ZNF91: variants seen among roughly 807,000 people sequenced by gnomAD.
ZNF91 encodes the protein zinc finger protein 91 (HPF7, HTF10).
In ZNF91, 7 loss-of-function variants were observed where a neutral mutation model predicts 12.6. The observed-to-expected ratio is 0.55, with a 90% CI of 0.31 to 1.04. The LOEUF (loss-of-function observed/expected upper bound fraction) is 1.04, where lower values mean the gene tolerates loss of function less well. Ranked by LOEUF, ZNF91 falls within the 50% of genes least tolerant of loss-of-function variation. The pLI is 0.05. For synonymous variants in ZNF91, 453 were observed against 462.6 expected, an observed-to-expected ratio of 0.98 and a Z score of 0.27; for missense variants, 1,217 against 1,385.4, an observed-to-expected ratio of 0.88 and a Z score of 1.93.
At chr19:23,343,251 C>A (rs1599703417) in intron 3 of ZNF91, among the ~76,000 whole-genome samples, 1 of 152,146 alleles carries the variant, frequency 6.6e-6, no homozygotes, top group Non-Finnish European at 1.5e-5. Context: ...ACGTATATAT[C>A]AATGAGCTGC....
At chr19:23,319,486 T>A (rs1406574688) in intron 1 of ZNF91, among the ~76,000 whole-genome samples, 1 of 152,232 alleles carries the variant, frequency 6.6e-6, no homozygotes, top group Non-Finnish European at 1.5e-5. Flanking sequence ...CCCCAAATAT[T>A]TGGTGTATTG....
At chr19:23,367,626 TTC>T (rs1172785781) in intron 3 of ZNF91, among the ~76,000 whole-genome samples, 5 of 152,116 alleles carry the variant, frequency 3.3e-5, no homozygotes, top group Non-Finnish European at 7.4e-5. Context: ...GCATTATAAC[TTC>T]TGATTTTGAA....
chr19:23,323,620 TCTC>T (rs527725444), intron 1 of ZNF91, among the ~76,000 whole-genome samples: 413 of 148,860 alleles, frequency 2.8e-3, no homozygotes, highest in Admixed American at 4.6e-3. Context: ...CCTTTTCTCT[TCTC>T]CTTTCTCCTC....
chr19:23,374,699 A>C lies in ZNF91; in HGVS notation c.96T>G (p.Thr32=), dbSNP rs559820114. The C allele has an allele frequency of 1.2e-6, 2 of 1,613,356 alleles. No homozygotes were observed. Among genetic ancestry groups the C allele is most frequent in the African/African-American group, 1.3e-5 (1 of 74,998 alleles). The stretch of plus-strand genomic sequence containing the variant: ...CATTCCTATATAAATTCTGCTGTGC[A>C]GTGTCCAGACATTGCCACTCCTCCG... The part of the protein sequence containing the change: ...FSPEEWQCLD[T]AQQNLYRNVM... Residue 32 remains threonine (T), a synonymous_variant, in exon 2 of 4, where the codon ACT becomes ACG. Transcript: ENST00000300619.
chr19:23,320,988 A>G (rs988348700), intron 1 of ZNF91, among the ~76,000 whole-genome samples: 1 of 152,230 alleles, frequency 6.6e-6, no homozygotes, highest in Non-Finnish European at 1.5e-5. Context: ...AAGGGGACAC[A>G]ATGCCCAGAA....
intron 1 of ZNF91, among the ~76,000 whole-genome samples, chr19:23,316,922 C>T (rs568218373): frequency 1.1e-3 from 162 of 152,280 alleles, no homozygotes; most frequent in Middle Eastern, 3.4e-3. Context: ...ACAGAGCCCA[C>T]AGGTGAGGTC....
intron 1 of ZNF91, chr19:23,385,149 T>C: frequency 1.4e-6 from 1 of 724,174 alleles, no homozygotes; most frequent in South Asian, 1.7e-5. Context: ...TGTTTCACCA[T>C]CCCGCGTCAT....
intron 1 of ZNF91, 27 bp downstream of exon 1, chr19:23,395,298 T>C: frequency 6.2e-7 from 1 of 1,612,204 alleles, no homozygotes; most frequent in Non-Finnish European, 8.5e-7. Context: ...GTTCCCTCTC[T>C]CGGGACGTCG....
intron 3 of ZNF91, among the ~76,000 whole-genome samples, chr19:23,346,355 G>A (rs1280793320): frequency 6.6e-6 from 1 of 152,018 alleles, no homozygotes; most frequent in African/African-American, 2.4e-5. Context: ...TGCACAGGCA[G>A]TTCCCAACCA....
intron 1 of ZNF91, among the ~76,000 whole-genome samples, chr19:23,392,035 CA>C (rs1262047274): frequency 6.6e-6 from 1 of 152,114 alleles, no homozygotes; most frequent in Non-Finnish European, 1.5e-5. Context: ...GTAAGAAAAG[CA>C]AAAGTATTTA....
chr19:23,393,717 T>G (rs556421559), intron 1 of ZNF91, among the ~76,000 whole-genome samples: 1 of 152,302 alleles, frequency 6.6e-6, no homozygotes, highest in African/African-American at 2.4e-5. Context: ...AAAAATTAAT[T>G]GGCCAGATGC....
At chr19:23,354,400 T>A (rs572915002), downstream of ZNF91, among the ~76,000 whole-genome samples, 3 of 151,762 alleles carry the variant, frequency 2.0e-5, no homozygotes, top group South Asian at 4.2e-4. Context: ...GAAAAAAAAA[T>A]TGACAATATT....
intron 1 of ZNF91, among the ~76,000 whole-genome samples, chr19:23,390,206 C>T (rs1206077440): frequency 2.6e-5 from 4 of 152,054 alleles, no homozygotes; most frequent in Non-Finnish European, 5.9e-5. Context: ...ATCTCAGCTA[C>T]TTGGGAGGTG....
intron 1 of ZNF91, among the ~76,000 whole-genome samples, chr19:23,318,170 G>A (rs541196638): frequency 6.6e-6 from 1 of 152,260 alleles, no homozygotes; most frequent in South Asian, 2.1e-4. Context: ...TGCACAGAAG[G>A]CATTGTGACA....
chr19:23,322,624 G>A (rs1178587423), intron 1 of ZNF91, among the ~76,000 whole-genome samples: 5 of 151,942 alleles, frequency 3.3e-5, no homozygotes, highest in Admixed American at 6.6e-5. Context: ...CATAATTACT[G>A]TCACAAAGTG....
At chr19:23,331,601 T>G (rs1271940909) in intron 1 of ZNF91, among the ~76,000 whole-genome samples, 1 of 152,204 alleles carries the variant, frequency 6.6e-6, no homozygotes, top group African/African-American at 2.4e-5. Flanking sequence ...ACTCATCTTC[T>G]CCGTTTCTCA....
intron 3 of ZNF91, among the ~76,000 whole-genome samples, chr19:23,366,351 A>G (rs939223863): frequency 2.6e-5 from 4 of 152,262 alleles, no homozygotes; most frequent in African/African-American, 9.6e-5. Flanking sequence ...AAGATCTTCT[A>G]TAGAATATTT....
chr19:23,373,424 T>C (rs112902866), intron 3 of ZNF91, among the ~76,000 whole-genome samples: 2 of 146,176 alleles, frequency 1.4e-5, no homozygotes, highest in Non-Finnish European at 1.5e-5. Context: ...AACTAATGAA[T>C]ACACTCAGTT....
At chr19:23,318,160 T>C (rs1967609256) in intron 1 of ZNF91, among the ~76,000 whole-genome samples, 2 of 152,214 alleles carry the variant, frequency 1.3e-5, no homozygotes, top group Admixed American at 6.5e-5. Flanking sequence ...TTTGTCACTG[T>C]GCACAGAAGG....
Sources: gnomAD v4.1 joint callset for allele counts (sites outside exome capture counted in the v4.1 genomes callset) on GRCh38, gnomAD v4.1.1 for gene constraint, MANE v1.5 for transcripts, NCBI Gene and HGNC (gene_info 2026-07-23, HGNC 2026-07-21) for gene names.